The following PIK3C2G variants were observed in gnomAD, a reference collection of about 807,000 sequenced individuals.
The protein encoded by PIK3C2G is phosphatidylinositol-4-phosphate 3-kinase catalytic subunit type 2 gamma.
Under a neutral mutation model 181.1 loss-of-function variants are expected in PIK3C2G, and 168 were observed. The ratio of observed to expected loss-of-function variants is 0.93; its 90% CI spans 0.82 to 1.05. The LOEUF is 1.05. Among genes scored for constraint, PIK3C2G ranks in the 50% least tolerant of loss-of-function variants. PIK3C2G has a pLI of 0.00. For missense variants in PIK3C2G, 1,869 were observed against 1,732.8 expected, an observed-to-expected ratio of 1.08 and a Z score of -1.40; for synonymous variants, 573 against 592.2, an observed-to-expected ratio of 0.97 and a Z score of 0.47.
At chr12:18,683,292 C>T in the PIK3C2G span, 5 of 1,612,352 alleles carry the variant, frequency 3.1e-6, no homozygotes, top group Non-Finnish European at 4.2e-6. Flanking sequence ...AGGCTCTCAC[C>T]CATTCTGGAA....
chr12:18,319,389 G>A (rs929781477), intron 6 of PIK3C2G, among the ~76,000 whole-genome samples: 1 of 151,396 alleles, frequency 6.6e-6, no homozygotes, highest in Non-Finnish European at 1.5e-5. Context: ...TCAGCTTTAA[G>A]GAAAAGTTAA....
chr12:18,612,007 C>CTCT (rs1948365306), intron 31 of PIK3C2G, among the ~76,000 whole-genome samples: 1 of 152,090 alleles, frequency 6.6e-6, no homozygotes, highest in Non-Finnish European at 1.5e-5. Flanking sequence ...CGGAAGGAGT[C>CTCT]TTATATCAGT....
intron 18 of PIK3C2G, among the ~76,000 whole-genome samples, chr12:18,432,381 A>C (rs191119038): frequency 6.6e-6 from 1 of 152,154 alleles, no homozygotes; most frequent in Non-Finnish European, 1.5e-5. Context: ...GGACCCACCC[A>C]GGCCTTTGGG....
chr12:18,510,550 T>C (rs1256911595), intron 24 of PIK3C2G, among the ~76,000 whole-genome samples: 1 of 152,154 alleles, frequency 6.6e-6, no homozygotes, highest in Non-Finnish European at 1.5e-5. Flanking sequence ...GACTAGACAG[T>C]GTTTTCATAT....
At chr12:18,300,181 G>A (rs1375925672) in intron 5 of PIK3C2G, among the ~76,000 whole-genome samples, 1 of 151,940 alleles carries the variant, frequency 6.6e-6, no homozygotes, top group African/African-American at 2.4e-5. Context: ...CTTGCTGAGA[G>A]ACTTTTTATT....
At chr12:18,321,390 C>T (rs1951100222) in intron 7 of PIK3C2G, among the ~76,000 whole-genome samples, 2 of 152,186 alleles carry the variant, frequency 1.3e-5, no homozygotes, top group Admixed American at 6.5e-5. Flanking sequence ...CCATCTCCTA[C>T]TTGTTTCTGA....
chr12:18,566,829 C>CT (rs1439330014), intron 28 of PIK3C2G, 120 bp from the exon 29 acceptor site: 5 of 672,302 alleles, frequency 7.4e-6, no homozygotes, highest in South Asian at 7.0e-5. Flanking sequence ...TAGACTATGA[C>CT]TTTTTCAAAT....
intron 11 of PIK3C2G, 27 bp from the exon 12 acceptor site, chr12:18,362,737 T>C: frequency 1.3e-6 from 2 of 1,485,208 alleles, no homozygotes; most frequent in Non-Finnish European, 8.9e-7. Context: ...GTGCTAAGCA[T>C]ATTGAATTGA....
chr12:18,696,671 C>T, the PIK3C2G span, among the ~76,000 whole-genome samples: 3 of 151,956 alleles, frequency 2.0e-5, no homozygotes, highest in Admixed American at 2.0e-4. Context: ...TTGATTTTCA[C>T]AGTAGGGCAG....
intron 4 of PIK3C2G, among the ~76,000 whole-genome samples, chr12:18,292,717 A>G (rs575064743): frequency 6.6e-6 from 1 of 152,310 alleles, no homozygotes; most frequent in Non-Finnish European, 1.5e-5. Flanking sequence ...GTTCCAAAGG[A>G]AAAGGTGGAG....
intron 28 of PIK3C2G, among the ~76,000 whole-genome samples, chr12:18,565,753 T>C (rs1565514218): frequency 6.6e-6 from 1 of 152,212 alleles, no homozygotes; most frequent in Non-Finnish European, 1.5e-5. Flanking sequence ...TAAGATGTTT[T>C]AGTACATATA....
chr12:18,393,946 G>A (rs1943702709), intron 15 of PIK3C2G, among the ~76,000 whole-genome samples: 1 of 152,094 alleles, frequency 6.6e-6, no homozygotes, highest in Non-Finnish European at 1.5e-5. Context: ...AGCAGGATGA[G>A]AGCTACAGAA....
At chr12:18,430,103 C>G (rs1946069674) in intron 18 of PIK3C2G, among the ~76,000 whole-genome samples, 2 of 152,190 alleles carry the variant, frequency 1.3e-5, no homozygotes, top group African/African-American at 4.8e-5. Flanking sequence ...AAATCACAAA[C>G]AGTGAAATTC....
chr12:18,529,596 A>G (rs188068921), intron 24 of PIK3C2G, among the ~76,000 whole-genome samples: 7 of 152,184 alleles, frequency 4.6e-5, no homozygotes, highest in African/African-American at 1.7e-4. Flanking sequence ...TTGAAAATCA[A>G]ACATCATTCA....
chr12:18,439,322 A>G (rs572544670), intron 18 of PIK3C2G, among the ~76,000 whole-genome samples: 4 of 152,146 alleles, frequency 2.6e-5, no homozygotes, highest in Non-Finnish European at 5.9e-5. Flanking sequence ...ATGTTTTTGC[A>G]TTTCAATAGC....
Position 18,559,821 on chromosome 12 carries a change from TAG to T in PIK3C2G, c.3591-2838_3591-2837del, listed in dbSNP as rs1171468138. Among the ~76,000 whole-genome samples, 162 of 18,330 alleles carry T rather than the reference TAG, an allele frequency of 8.8e-3. 1 individual carries two copies. Among genetic ancestry groups the T allele is most frequent in the East Asian group, 0.023 (7 of 302 alleles). 12.0% of individuals were successfully genotyped at this position (18,330 alleles called of 152,430 possible). A position where few individuals can be genotyped will look rare whatever the true frequency, so the allele number is the denominator to read the frequency against. On this transcript the variant is annotated intron_variant, in intron 26 of 32. Coordinates refer to ENST00000538779, the MANE Select transcript of PIK3C2G (RefSeq NM_001288772.2). The stretch of plus-strand genomic sequence containing the variant: ...ATATATATATATATATATATATATA[TAG>T]AGAGAGAGAGAGAGAGAGAGAGAGA...
chr12:18,425,386 CTTTTTTT>C lies in PIK3C2G; in HGVS notation c.2504+1365_2504+1371del, dbSNP rs1228477062. 9.2e-5 allele frequency among the ~76,000 whole-genome samples: 6 copies of C among 65,312 alleles called. No homozygotes were observed. In the Admixed American group the frequency reaches 1.5e-3, roughly 16 times the overall value. 42.8% of individuals were successfully genotyped at this position (65,312 alleles called of 152,430 possible). A position where few individuals can be genotyped will look rare whatever the true frequency, so the allele number is the denominator to read the frequency against. On this transcript the variant is annotated intron_variant, in intron 18 of 32. Coordinates refer to ENST00000538779, the MANE Select transcript of PIK3C2G (RefSeq NM_001288772.2). Reference sequence around the variant, plus strand: ...TTCTCTAGCTAAAGGACAGACATTTCTTTTTTTTTTTTTTTTTTTTTTTTGAGTCGGA... The same window carrying C: ...TTCTCTAGCTAAAGGACAGACATTTCTTTTTTTTTTTTTTTTTGAGTCGGA...
intron 5 of PIK3C2G, among the ~76,000 whole-genome samples, chr12:18,309,855 A>G (rs1790535454): frequency 6.6e-6 from 1 of 151,818 alleles, no homozygotes; most frequent in African/African-American, 2.4e-5. Flanking sequence ...ATAGTTTACT[A>G]TAAAGTATAT....
At chr12:18,406,179 A>G (rs56346219) in intron 16 of PIK3C2G, among the ~76,000 whole-genome samples, 16,407 of 152,058 alleles carry the variant, frequency 0.11, 1,186 homozygotes, top group Admixed American at 0.25. Flanking sequence ...ATGTCCTCCA[A>G]GTTCATTCGT....
Sources: gnomAD v4.1 joint callset for allele counts (sites outside exome capture counted in the v4.1 genomes callset) on GRCh38, gnomAD v4.1.1 for gene constraint, MANE v1.5 for transcripts, NCBI Gene and HGNC (gene_info 2026-07-23, HGNC 2026-07-21) for gene names.